HAAO: variants seen among roughly 807,000 people sequenced by gnomAD.
HAAO encodes 3-hydroxyanthranilate oxygenase.
In HAAO, 49 loss-of-function variants were observed where a neutral mutation model predicts 46.2. The ratio of observed to expected loss-of-function variants is 1.06; its 90% CI spans 0.84 to 1.34. The LOEUF (loss-of-function observed/expected upper bound fraction) is 1.34, where lower values mean the gene tolerates loss of function less well. HAAO is among the 40% of genes most tolerant of loss of function. The probability of loss-of-function intolerance (pLI) is 0.00; values close to 1 mark genes in which losing one functional copy is unlikely to be tolerated. For synonymous variants in HAAO, 157 were observed against 145.2 expected, an observed-to-expected ratio of 1.08 and a Z score of -0.58; for missense variants, 408 against 364.5, an observed-to-expected ratio of 1.12 and a Z score of -0.97.
chr2:42,768,858 C>T (rs1339743910), intron 7 of HAAO, among the ~76,000 whole-genome samples: 1 of 152,186 alleles, frequency 6.6e-6, no homozygotes, highest in African/African-American at 2.4e-5. Context: ...GTCCACCAGT[C>T]ACACTTGTAC....
chr2:42,770,987 C>T (rs576208344), intron 4 of HAAO, among the ~76,000 whole-genome samples: 13 of 152,306 alleles, frequency 8.5e-5, no homozygotes, highest in East Asian at 3.9e-4. Flanking sequence ...TTTTGTTTTT[C>T]GCAAAGAGGA....
chr2:42,775,861 C>CT (rs56249729), intron 4 of HAAO, among the ~76,000 whole-genome samples: 1,476 of 121,402 alleles, frequency 0.012, 37 homozygotes, highest in African/African-American at 0.04. Flanking sequence ...TTGTGTTATC[C>CT]TTTTTTTTTT....
chr2:42,787,732 C>T (rs1406659704), intron 2 of HAAO, among the ~76,000 whole-genome samples: 1 of 152,188 alleles, frequency 6.6e-6, no homozygotes, highest in Non-Finnish European at 1.5e-5. Flanking sequence ...ACTCTGGATC[C>T]TGAACCCCCA....
intron 4 of HAAO, 38 bp from the exon 5 acceptor site, chr2:42,770,620 T>A: frequency 7.1e-7 from 1 of 1,412,432 alleles, no homozygotes; most frequent in Non-Finnish European, 9.7e-7. Flanking sequence ...GCTGTCCCCA[T>A]CTGGGTGGCT....
chr2:42,769,268 A>G (rs1216564415), intron 7 of HAAO, among the ~76,000 whole-genome samples: 1 of 152,208 alleles, frequency 6.6e-6, no homozygotes, highest in Non-Finnish European at 1.5e-5. Context: ...TGTGGAATGA[A>G]AGAAAGTCAG....
Position 42,767,335 on chromosome 2 carries a change from C to T in HAAO, c.*102G>A, listed in dbSNP as rs1670736421. 2 of 788,776 alleles carry T rather than the reference C, an allele frequency of 2.5e-6. No individual in the cohort carries two copies. The highest frequency in any genetic ancestry group is 4.4e-6 in the Non-Finnish European group (2 of 452,786). 48.9% of individuals were successfully genotyped at this position (788,776 alleles called of 1,614,324 possible). On this transcript the variant is annotated 3_prime_UTR_variant, in exon 10 of 10. Transcript: ENST00000294973. ...TGCAGGTCTGTGGGGGACACAGCGG[C>T]AGTACACAGAGAGGTAGTGGGGGCT...
chr2:42,782,603 G>A (rs768159413), intron 4 of HAAO, among the ~76,000 whole-genome samples: 16 of 152,210 alleles, frequency 1.1e-4, no homozygotes, highest in Non-Finnish European at 1.6e-4. Context: ...AAAATCACTA[G>A]GCTAAAGGGA....
Position 42,770,179 on chromosome 2 carries a change from T to C in HAAO, c.448A>G (p.Ser150Gly). 1 of 1,599,792 alleles carries C rather than the reference T, an allele frequency of 6.3e-7. No homozygotes were observed. The highest frequency in any genetic ancestry group is 8.5e-7 in the Non-Finnish European group (1 of 1,172,044). The stretch of plus-strand genomic sequence containing the variant: ...TTTCCTGTTCTGTACTGCTCAGAGC[T>C]GAAGAACCTGCAAGGACGAACAGGG... The part of the protein sequence containing the change: ...QLAPIIQEFF[S>G]SEQYRTGKPI... Residue 150 changes from serine (S) to glycine (G), a missense_variant, in exon 6 of 10, where the codon AGC (serine) becomes GGC (glycine). By Grantham distance (56) the Ser-to-Gly change is moderately conservative. Coordinates refer to ENST00000294973, the MANE Select transcript of HAAO (RefSeq NM_012205.3).
intron 3 of HAAO, 87 bp from the exon 4 acceptor site, chr2:42,783,507 G>T: frequency 2.3e-6 from 2 of 873,220 alleles, no homozygotes; most frequent in South Asian, 1.5e-5. Context: ...ATCCCCAGCT[G>T]ACCCCCGGGC....
intron 1 of HAAO, among the ~76,000 whole-genome samples, chr2:42,791,486 C>T (rs1165644207): frequency 7.0e-6 from 1 of 143,412 alleles, no homozygotes; most frequent in African/African-American, 3.0e-5. Context: ...GACTGTTGGC[C>T]ATGTGGTATT....
chr2:42,784,277 A>G (rs566631309), intron 2 of HAAO, among the ~76,000 whole-genome samples: 2 of 152,246 alleles, frequency 1.3e-5, no homozygotes, highest in East Asian at 1.9e-4. Flanking sequence ...ATTAACCCCA[A>G]TCAGCAGAAA....
rs537441687 is a variant in HAAO at position 42,788,316 on chromosome 2, G to C, written c.159+213C>G. On this transcript the variant is annotated intron_variant, in intron 2 of 9. Transcript: ENST00000294973. Reference sequence around the variant, plus strand: ...GTTGTTTCCTGGGGCTCCCCCAGCAGAGGTGCTAGCTGTGGAGGCGTCACT... The same window carrying C: ...GTTGTTTCCTGGGGCTCCCCCAGCACAGGTGCTAGCTGTGGAGGCGTCACT... Among the ~76,000 whole-genome samples the C allele has an allele frequency of 1.7e-4, 26 of 151,726 alleles. No individual in the cohort carries two copies. In the East Asian group the frequency reaches 3.3e-3, roughly 19 times the overall value.
chr2:42,783,750 T>A (rs375124015), intron 3 of HAAO, 34 bp downstream of exon 3: 3 of 1,581,656 alleles, frequency 1.9e-6, no homozygotes, highest in Non-Finnish European at 2.6e-6. Context: ...GTGGCCGCCT[T>A]TCTCTTCCCC....
At position 42,792,457 on chromosome 2, in the gene HAAO, A is replaced by G; in HGVS notation, c.80T>C (p.Met27Thr). The G allele has an allele frequency of 6.3e-7, 1 of 1,580,792 alleles. No homozygotes were observed. The highest frequency in any genetic ancestry group is 2.4e-5 in the East Asian group (1 of 40,994). ...GCGGCCATGGGGGTGCTGGACTCACATGAGCTTGTTGCAGACCGGGGGCTG... is the reference window on the plus strand; with the variant it reads ...GCGGCCATGGGGGTGCTGGACTCACGTGAGCTTGTTGCAGACCGGGGGCTG... ...SFQPPVCNKL[M>T]HQEQLKVMFI... The change falls in exon 1 of 10, where the codon ATG (methionine) becomes ACG (threonine). Residue 27 changes from methionine to threonine, a missense_variant and splice_region_variant. Met to Thr is a moderately conservative substitution (Grantham distance 81). Transcript: ENST00000294973.
chr2:42,785,938 CT>C (rs1302892913), intron 2 of HAAO, among the ~76,000 whole-genome samples: 2 of 151,570 alleles, frequency 1.3e-5, no homozygotes, highest in Non-Finnish European at 2.9e-5. Context: ...AATAAGAAAC[CT>C]ACCAGGTTCT....
chr2:42,770,041 G>T, intron 6 of HAAO, 102 bp downstream of exon 6: 1 of 1,187,310 alleles, frequency 8.4e-7, no homozygotes, highest in Non-Finnish European at 1.2e-6. Flanking sequence ...TGAGGACTGG[G>T]CAGAGTATTC....
chr2:42,777,810 TA>T (rs895295222), intron 4 of HAAO, among the ~76,000 whole-genome samples: 10 of 150,616 alleles, frequency 6.6e-5, no homozygotes, highest in East Asian at 3.9e-4. Context: ...ACATTCTTTC[TA>T]AAAAAAAAGG....
intron 7 of HAAO, among the ~76,000 whole-genome samples, chr2:42,768,597 C>T (rs1440361511): frequency 6.6e-6 from 1 of 152,142 alleles, no homozygotes; most frequent in African/African-American, 2.4e-5. Context: ...AGCATCCCTG[C>T]ACAGATTGAC....
Position 42,769,897 on chromosome 2 carries a change from C to T in HAAO, c.485-39G>A, listed in dbSNP as rs551135912. Reference sequence around the variant, plus strand: ...ATGACTATAGTCGGTGTCCTCAGGACCCAGCCCACCCAGCCCCAGTGGGCC... The same window carrying T: ...ATGACTATAGTCGGTGTCCTCAGGATCCAGCCCACCCAGCCCCAGTGGGCC... On this transcript the variant is annotated intron_variant, in intron 6 of 9. Coordinates refer to ENST00000294973, the MANE Select transcript of HAAO (RefSeq NM_012205.3). 654 of 1,554,434 alleles carry T rather than the reference C, an allele frequency of 4.2e-4. 12 individuals are homozygous for T. In the South Asian group the frequency reaches 7.6e-3, roughly 18 times the overall value.
Sources: allele counts gnomAD v4.1 joint callset (sites outside exome capture counted in the v4.1 genomes callset), GRCh38; gene constraint gnomAD v4.1.1; transcripts MANE v1.5; gene names NCBI Gene and HGNC (gene_info 2026-07-23, HGNC 2026-07-21).